The following C8orf34 variants were observed in gnomAD, a reference collection of about 807,000 sequenced individuals.
C8orf34 encodes the protein chromosome 8 open reading frame 34, also known as uncharacterized protein C8orf34.
C8orf34 carries 65 observed loss-of-function variants against 68.3 expected under a neutral mutation model. That is an observed-to-expected ratio of 0.95 (90% CI 0.78 to 1.17). The LOEUF (loss-of-function observed/expected upper bound fraction) is 1.17. Among genes scored for constraint, C8orf34 ranks in the 50% most tolerant of loss-of-function variants. C8orf34 has a pLI of 0.00. For missense variants in C8orf34, 664 were observed against 655.4 expected (o/e 1.01, Z -0.14); for synonymous variants, 244 against 241.2 (o/e 1.01, Z -0.11).
intron 7 of C8orf34, among the ~76,000 whole-genome samples, chr8:68,574,180 TCAA>T (rs1816836289): frequency 6.6e-6 from 1 of 152,100 alleles, no homozygotes. Flanking sequence ...AGCTGCTATT[TCAA>T]CATCTGTATA....
intron 8 of C8orf34, among the ~76,000 whole-genome samples, chr8:68,653,040 T>TA (rs1404268469): frequency 6.6e-6 from 1 of 152,210 alleles, no homozygotes; most frequent in African/African-American, 2.4e-5. Context: ...CTTTTTCTAC[T>TA]AAAGATCTTT....
intron 7 of C8orf34, among the ~76,000 whole-genome samples, chr8:68,606,771 G>C (rs1235550897): frequency 6.6e-6 from 1 of 152,080 alleles, no homozygotes. Flanking sequence ...GGAGGGCATA[G>C]TTGAGGTCAT....
At chr8:68,788,771 A>G (rs528991720) in intron 12 of C8orf34, among the ~76,000 whole-genome samples, 13 of 152,250 alleles carry the variant, frequency 8.5e-5, no homozygotes, top group African/African-American at 3.1e-4. Flanking sequence ...AGGCAGGAGA[A>G]TTGCTTGAAA....
chr8:68,808,067 C>G (rs1017657439), intron 12 of C8orf34, among the ~76,000 whole-genome samples: 5 of 152,112 alleles, frequency 3.3e-5, no homozygotes, highest in Non-Finnish European at 7.3e-5. Context: ...TTGGTAGATA[C>G]CTTTAGAGGA....
intron 7 of C8orf34, among the ~76,000 whole-genome samples, chr8:68,543,721 T>G (rs1815776671): frequency 6.6e-6 from 1 of 152,206 alleles, no homozygotes; most frequent in Non-Finnish European, 1.5e-5. Context: ...TATTTTATAT[T>G]TACATGAGTA....
chr8:68,737,832 A>G (rs533289869), intron 10 of C8orf34, among the ~76,000 whole-genome samples: 1 of 152,196 alleles, frequency 6.6e-6, no homozygotes, highest in African/African-American at 2.4e-5. Context: ...GGGATACCTC[A>G]ACATTGCACT....
intron 7 of C8orf34, among the ~76,000 whole-genome samples, chr8:68,565,015 A>T (rs1387833031): frequency 1.3e-5 from 2 of 152,206 alleles, no homozygotes; most frequent in Admixed American, 1.3e-4. Context: ...TCCCATAAAA[A>T]TATCTGAAGT....
At chr8:68,571,671 T>C (rs1346141568) in intron 7 of C8orf34, among the ~76,000 whole-genome samples, 1 of 152,184 alleles carries the variant, frequency 6.6e-6, no homozygotes, top group Non-Finnish European at 1.5e-5. Flanking sequence ...CAAGTGGCAC[T>C]TACAGAAAAG....
intron 7 of C8orf34, among the ~76,000 whole-genome samples, chr8:68,539,263 T>A (rs1815611085): frequency 6.6e-6 from 1 of 152,094 alleles, no homozygotes; most frequent in Non-Finnish European, 1.5e-5. Flanking sequence ...AGTAGTAATT[T>A]TCATCTAACT....
At chr8:68,615,794 G>T (rs1489329798) in intron 7 of C8orf34, among the ~76,000 whole-genome samples, 1 of 152,120 alleles carries the variant, frequency 6.6e-6, no homozygotes, top group East Asian at 1.9e-4. Context: ...TCAGGATGAT[G>T]CTGGCCTCAT....
At chr8:68,586,123 G>C (rs79832730) in intron 7 of C8orf34, among the ~76,000 whole-genome samples, 1 of 152,018 alleles carries the variant, frequency 6.6e-6, no homozygotes, top group Non-Finnish European at 1.5e-5. Flanking sequence ...GAAAACAGAG[G>C]AAGATATAGT....
chr8:68,359,614 C>T (rs1317349423), intron 1 of C8orf34, among the ~76,000 whole-genome samples: 24 of 152,172 alleles, frequency 1.6e-4, no homozygotes, highest in Non-Finnish European at 8.8e-5. Flanking sequence ...CCAACATTTT[C>T]AGATACATTT....
chr8:68,783,486 TGCA>T (rs1482755753), intron 11 of C8orf34, among the ~76,000 whole-genome samples: 1 of 114,084 alleles, frequency 8.8e-6, no homozygotes, highest in Non-Finnish European at 1.7e-5. Context: ...CCATTGCAAT[TGCA>T]CTCCGGCCTG....
In C8orf34 at chr8:68,441,736, A is replaced by G. The variant is rs569705733; in HGVS notation, c.475+2090A>G. Among the ~76,000 whole-genome samples, 3 of 152,310 alleles carry G rather than the reference A, an allele frequency of 2.0e-5. No homozygotes were observed. In the East Asian group the frequency reaches 5.8e-4, roughly 29 times the overall value. ...TCTACTAAGATGGATCTTATATACT[A>G]GAATGTAATCATAACACTGACACCT... On this transcript the variant is annotated intron_variant, in intron 2 of 13. Transcript: ENST00000518698.
intron 6 of C8orf34, among the ~76,000 whole-genome samples, chr8:68,529,497 G>A (rs1287927583): frequency 6.9e-4 from 105 of 152,270 alleles, no homozygotes; most frequent in Non-Finnish European, 1.5e-5. Context: ...AGCAAAACCT[G>A]ATCTGAACCC....
chr8:68,389,876 A>G (rs1808409880), intron 1 of C8orf34, among the ~76,000 whole-genome samples: 1 of 152,184 alleles, frequency 6.6e-6, no homozygotes, highest in Non-Finnish European at 1.5e-5. Flanking sequence ...CGGTTTCTTT[A>G]GATGAAAATT....
At chr8:68,803,849 C>CT (rs1378936345) in intron 12 of C8orf34, among the ~76,000 whole-genome samples, 1 of 151,696 alleles carries the variant, frequency 6.6e-6, no homozygotes, top group African/African-American at 2.4e-5. Flanking sequence ...TTTTGTAGTA[C>CT]TTTTTTGCAT....
chr8:68,771,791 G>T (rs970786073), intron 10 of C8orf34, among the ~76,000 whole-genome samples: 1 of 152,090 alleles, frequency 6.6e-6, no homozygotes, highest in Admixed American at 6.5e-5. Context: ...AAAAAAAAAT[G>T]AAAGACTAGA....
chr8:68,682,414 C>T (rs540471919), intron 8 of C8orf34, among the ~76,000 whole-genome samples: 1 of 152,168 alleles, frequency 6.6e-6, no homozygotes, highest in Admixed American at 6.5e-5. Flanking sequence ...AGATTGGTGC[C>T]TTCTCCATTG....
Sources: allele counts gnomAD v4.1 joint callset (sites outside exome capture counted in the v4.1 genomes callset), GRCh38; gene constraint gnomAD v4.1.1; transcripts MANE v1.5; gene names NCBI Gene and HGNC (gene_info 2026-07-23, HGNC 2026-07-21).